Variants in MFSD2A observed in about 807,000 individuals in gnomAD.
The protein encoded by MFSD2A is MFSD2 lysolipid transporter A, lysophospholipid, also known as sodium-dependent lysophosphatidylcholine symporter 1.
In MFSD2A, 27 loss-of-function variants were observed where a neutral mutation model predicts 64.7. The observed-to-expected ratio is 0.42, with a 90% confidence interval of 0.31 to 0.58. The LOEUF is 0.58. Among genes scored for constraint, MFSD2A ranks in the 20% least tolerant of loss-of-function variants. The pLI is 0.18. For missense variants in MFSD2A, 474 were observed against 679.5 expected, an observed-to-expected ratio of 0.70 and a Z score of 3.36; for synonymous variants, 258 against 273.4, an observed-to-expected ratio of 0.94 and a Z score of 0.55.
chr1:39,966,497 G>A lies in MFSD2A; in HGVS notation c.715-104G>A, dbSNP rs1013856213. 3.4e-6 allele frequency: 3 copies of A among 893,800 alleles called. No homozygotes were observed. The African/African-American group carries it at 5.0e-5, about 15-fold the overall frequency. 55.4% of individuals were successfully genotyped at this position (893,800 alleles called of 1,614,324 possible). ...CACATGGAGACAGTACGCTCCCAGAGGGGAGGGGACTGGCCCAAGATCATT... is the reference window on the plus strand; with the variant it reads ...CACATGGAGACAGTACGCTCCCAGAAGGGAGGGGACTGGCCCAAGATCATT... On this transcript the variant is annotated intron_variant, in intron 6 of 13. Transcript: ENST00000372811.
rs777025432 is a variant in MFSD2A, at chr1:39,966,842, C to T, written c.837C>T (p.Ile279=). The T allele has an allele frequency of 8.1e-6, 13 of 1,613,962 alleles. No homozygotes were observed. The highest frequency in any genetic ancestry group is 5.0e-5 in the Admixed American group (3 of 59,984). ...EPYEAQQSEP[I]AYFRGLRLVM... ...ATGAAGCCCAGCAGTCTGAGCCAAT[C>T]GCCTACTTCCGGGGCCTACGGCTGG... is the stretch of plus-strand genomic sequence containing the variant. Residue 279 remains isoleucine, a synonymous_variant, in exon 8 of 14, where the codon ATC becomes ATT. Transcript: ENST00000372811.
chr1:39,965,636 T>G lies in MFSD2A; in HGVS notation c.556+87T>G. The G allele has an allele frequency of 7.1e-7, 1 of 1,412,622 alleles. No individual in the cohort carries two copies. The highest frequency in any genetic ancestry group is 1.7e-5 in the Admixed American group (1 of 58,002). 87.5% of individuals were successfully genotyped at this position (1,412,622 alleles called of 1,614,324 possible). ...TTGCGGGTCCAGCTCTTTGCTCTGC[T>G]CTAGAGTGTGGGTGTGAAACCATCT... is the stretch of plus-strand genomic sequence containing the variant. On this transcript the variant is annotated intron_variant, in intron 5 of 13. Transcript: ENST00000372811. This position sits in a 1 kb window ranked among gnomAD's most constrained non-coding sequence, Gnocchi z 5.5.
rs1369675551 is a variant in MFSD2A, at chr1:39,966,830, G to A, written c.825G>A (p.Gln275=). The change falls in exon 8 of 14, where the codon CAG becomes CAA. Residue 275 remains glutamine, a synonymous_variant. Coordinates refer to ENST00000372811, the MANE Select transcript of MFSD2A (RefSeq NM_032793.5). The part of the protein sequence containing the change: ...REQREPYEAQ[Q]SEPIAYFRGL... ...CCCCAGAACCCTATGAAGCCCAGCAGTCTGAGCCAATCGCCTACTTCCGGG... is the reference window on the plus strand; with the variant it reads ...CCCCAGAACCCTATGAAGCCCAGCAATCTGAGCCAATCGCCTACTTCCGGG... 5 of 1,614,118 alleles carry A rather than the reference G, an allele frequency of 3.1e-6. No homozygotes were observed. In the Admixed American group the frequency reaches 8.3e-5, roughly 27 times the overall value.
chr1:39,965,190 TCA>T lies in MFSD2A; in HGVS notation c.354-17_354-16del. 6.2e-7 allele frequency: 1 copy of T among 1,612,102 alleles called. No individual in the cohort carries two copies. The highest frequency in any genetic ancestry group is 8.5e-7 in the Non-Finnish European group (1 of 1,179,782). On this transcript the variant is annotated intron_variant, in intron 3 of 13. Coordinates refer to ENST00000372811, the MANE Select transcript of MFSD2A (RefSeq NM_032793.5). This position sits in a 1 kb window ranked among gnomAD's most constrained non-coding sequence, Gnocchi z 5.5. ...CTGGGCTCCAGCCTCCAGCCTCCACTCACACCCTCCTCTTCCTCAGGATCATC... is the reference window on the plus strand; with the variant it reads ...CTGGGCTCCAGCCTCCAGCCTCCACTCACCCTCCTCTTCCTCAGGATCATC...
Position 39,958,710 on chromosome 1 carries a change from T to G in MFSD2A, c.238T>G (p.Phe80Val). 1 of 1,614,120 alleles carries G rather than the reference T, an allele frequency of 6.2e-7. No individual in the cohort carries two copies. Reference sequence around the variant, plus strand: ...CTTCTCCTCATTCCAGGTGGGCCCTTTCTCTGCCTCCATCATCCTGTTTGT... The same window carrying G: ...CTTCTCCTCATTCCAGGTGGGCCCTGTCTCTGCCTCCATCATCCTGTTTGT... ...YLLDVAQVGPFSASIILFVGR... is the reference protein window; with the variant it reads ...YLLDVAQVGPVSASIILFVGR... Residue 80 changes from phenylalanine (F) to valine (V), a missense_variant, in exon 3 of 14, where the codon TTC (phenylalanine) becomes GTC (valine). By Grantham distance (50) the Phe-to-Val change is conservative. Transcript: ENST00000372811. The surrounding 1 kb of genome is among the most constrained non-coding windows in gnomAD (Gnocchi z 4.7).
intron 1 of MFSD2A, among the ~76,000 whole-genome samples, 153 bp from the exon 2 acceptor site, chr1:39,956,915 CAAAAAAAAAAAAAAAAAAA>C (rs34385828): frequency 2.8e-5 from 1 of 35,348 alleles, no homozygotes; most frequent in Non-Finnish European, 5.4e-5. Flanking sequence ...GACTCTGTCT[CAAAAAAAAAAAAAAAAAAA>C]AAAAAAAAAA....
At chr1:39,966,984 G>A in intron 8 of MFSD2A, 52 bp downstream of exon 8, 1 of 1,612,690 alleles carries the variant, frequency 6.2e-7, no homozygotes, top group Non-Finnish European at 8.5e-7. Context: ...ATGGGAGCGG[G>A]GTGAGCAGAG....
chr1:39,964,670 GGT>G lies in MFSD2A; in HGVS notation c.354-535_354-534del, dbSNP rs1230539173. On this transcript the variant is annotated intron_variant, in intron 3 of 13. Coordinates refer to ENST00000372811, the MANE Select transcript of MFSD2A (RefSeq NM_032793.5). This position sits in a 1 kb window ranked among gnomAD's most constrained non-coding sequence, Gnocchi z 4.1. ...TGGGTGTGTGTGTGTGTGTGAATGGGGTGTGTGAAGTGTGTATGTGAATGGGG... is the reference window on the plus strand; with the variant it reads ...TGGGTGTGTGTGTGTGTGTGAATGGGGTGTGAAGTGTGTATGTGAATGGGG... The G allele has an allele frequency of 1.3e-5, 2 of 154,454 alleles. No individual in the cohort carries two copies. Among genetic ancestry groups the G allele is most frequent in the African/African-American group, 4.9e-5 (2 of 41,224 alleles). The allele number at this position is 154,454 out of a possible 1,614,324, so 9.6% of individuals were successfully genotyped here.
chr1:39,967,445 C>G, intron 9 of MFSD2A, 183 bp from the exon 10 acceptor site: 3 of 645,896 alleles, frequency 4.6e-6, no homozygotes, highest in Non-Finnish European at 8.2e-6. Flanking sequence ...CAAGGTGGGC[C>G]TGGACCAGCT....
Position 39,964,433 on chromosome 1 carries a change from A to C in MFSD2A, c.354-778A>C, listed in dbSNP as rs1193985994. On this transcript the variant is annotated intron_variant, in intron 3 of 13. Transcript: ENST00000372811. The surrounding 1 kb of genome is among the most constrained non-coding windows in gnomAD (Gnocchi z 4.1). ...TAGTTAGTTGGTGGAGCTAGAATGGAATCCCTGAAGAGTGGCTCAAAGGCC... is the reference window on the plus strand; with the variant it reads ...TAGTTAGTTGGTGGAGCTAGAATGGCATCCCTGAAGAGTGGCTCAAAGGCC... 1 of 152,248 alleles carries C rather than the reference A, an allele frequency of 6.6e-6. No individual in the cohort carries two copies. The highest frequency in any genetic ancestry group is 6.5e-5 in the Admixed American group (1 of 15,288). The allele number at this position is 152,248 out of a possible 1,614,324, so 9.4% of individuals were successfully genotyped here. A position where few individuals can be genotyped will look rare whatever the true frequency, so the allele number is the denominator to read the frequency against.
chr1:39,968,729 G>T lies in MFSD2A; in HGVS notation c.1513G>T (p.Ala505Ser), dbSNP rs747456224. ...DEERRRQNKK[A>S]LQALRDEASS... ...GGAGAGGCGGCGGCAGAATAAGAAG[G>T]CCCTGCAGGCACTGAGGTGAGTGGG... The change falls in exon 13 of 14, where the codon GCC (alanine) becomes TCC (serine). Residue 505 changes from alanine to serine, a missense_variant. Coordinates refer to ENST00000372811, the MANE Select transcript of MFSD2A (RefSeq NM_032793.5). The surrounding 1 kb of genome is among the most constrained non-coding windows in gnomAD (Gnocchi z 4.4). The T allele has an allele frequency of 1.9e-6, 3 of 1,614,058 alleles. No individual in the cohort carries two copies. Among genetic ancestry groups the T allele is most frequent in the Non-Finnish European group, 2.5e-6 (3 of 1,179,988 alleles).
Position 39,967,672 on chromosome 1 carries a change from C to T in MFSD2A, c.1056C>T (p.Thr352=). The T allele has an allele frequency of 1.2e-6, 2 of 1,614,124 alleles. No individual in the cohort carries two copies. The highest frequency in any genetic ancestry group is 1.1e-5 in the South Asian group (1 of 91,078). Residue 352 remains threonine, a synonymous_variant, in exon 10 of 14, where the codon ACC becomes ACT. Coordinates refer to ENST00000372811, the MANE Select transcript of MFSD2A (RefSeq NM_032793.5). ...TTCCCATCTGGCAGTGGTTCTTGAC[C>T]CGGTTTGGCAAGAAGACAGCTGTAT... ...LTIPIWQWFL[T]RFGKKTAVYV...
rs1645007313 is a variant in MFSD2A, at chr1:39,960,239, G to C, written c.353+1414G>C. On this transcript the variant is annotated intron_variant, in intron 3 of 13. Transcript: ENST00000372811. The surrounding 1 kb of genome is among the most constrained non-coding windows in gnomAD (Gnocchi z 4.8). ...ACATCCTGCTTCAGGGTGTGGGGGG[G>C]CATACCCCTTTCATCTCCAGCCCAT... Among the ~76,000 whole-genome samples the C allele has an allele frequency of 6.6e-6, 1 of 152,194 alleles. No homozygotes were observed. The highest frequency in any genetic ancestry group is 6.5e-5 in the Admixed American group (1 of 15,288).
chr1:39,963,035 C>G lies in MFSD2A; in HGVS notation c.354-2176C>G. Reference sequence around the variant, plus strand: ...TCATCCTGGCCAAGCTCTCCATTGTCCCCGTGCGCAGAGGCTACTGGGGGA... The same window carrying G: ...TCATCCTGGCCAAGCTCTCCATTGTGCCCGTGCGCAGAGGCTACTGGGGGA... On this transcript the variant is annotated intron_variant, in intron 3 of 13. Coordinates refer to ENST00000372811, the MANE Select transcript of MFSD2A (RefSeq NM_032793.5). The surrounding 1 kb of genome is among the most constrained non-coding windows in gnomAD (Gnocchi z 4.2). The G allele has an allele frequency of 6.9e-7, 1 of 1,457,410 alleles. No homozygotes were observed. The highest frequency in any genetic ancestry group is 9.4e-7 in the Non-Finnish European group (1 of 1,063,876). 90.3% of individuals were successfully genotyped at this position (1,457,410 alleles called of 1,614,324 possible).
chr1:39,962,677 C>T (rs971035247), intron 3 of MFSD2A: 35 of 777,916 alleles, frequency 4.5e-5, no homozygotes, highest in Middle Eastern at 3.5e-4. Context: ...GGACGGGGCC[C>T]GGGCCGAAGC....
Position 39,955,313 on chromosome 1 carries a change from C to A in MFSD2A, c.21C>A (p.Ala7=). 1.4e-6 allele frequency: 2 copies of A among 1,444,940 alleles called. No homozygotes were observed. The highest frequency in any genetic ancestry group is 3.1e-5 in the South Asian group (2 of 64,960). The allele number at this position is 1,444,940 out of a possible 1,614,324, so 89.5% of individuals were successfully genotyped here. A position where few individuals can be genotyped will look rare whatever the true frequency, so the allele number is the denominator to read the frequency against. The change falls in exon 1 of 14, where the codon GCC becomes GCA. Residue 7 remains alanine (A), a synonymous_variant. Transcript: ENST00000372811. The surrounding 1 kb of genome is among the most constrained non-coding windows in gnomAD (Gnocchi z 5.9). Reference sequence around the variant, plus strand: ...GGGTCATGGCCAAAGGAGAAGGCGCCGAGAGCGGCTCCGCGGCGGGGCTGC... The same window carrying A: ...GGGTCATGGCCAAAGGAGAAGGCGCAGAGAGCGGCTCCGCGGCGGGGCTGC... The part of the protein sequence containing the change: MAKGEG[A]ESGSAAGLLP...
Position 39,968,701 on chromosome 1 carries a change from T to C in MFSD2A, c.1485T>C (p.Asp495=), listed in dbSNP as rs1645216988. 1 of 1,613,884 alleles carries C rather than the reference T, an allele frequency of 6.2e-7. No homozygotes were observed. Among genetic ancestry groups the C allele is most frequent in the Admixed American group, 1.7e-5 (1 of 59,986 alleles). ...TGCTCTTCAAAATGTACCCCATTGA[T>C]GAGGAGAGGCGGCGGCAGAATAAGA... The part of the protein sequence containing the change: ...GLLLFKMYPI[D]EERRRQNKKA... Residue 495 remains aspartate, a synonymous_variant, in exon 13 of 14, where the codon GAT becomes GAC. Coordinates refer to ENST00000372811, the MANE Select transcript of MFSD2A (RefSeq NM_032793.5). This position sits in a 1 kb window ranked among gnomAD's most constrained non-coding sequence, Gnocchi z 4.4.
intron 1 of MFSD2A, among the ~76,000 whole-genome samples, chr1:39,956,191 G>T (rs1018283749): frequency 6.6e-6 from 1 of 152,178 alleles, no homozygotes; most frequent in Non-Finnish European, 1.5e-5. Flanking sequence ...CTTTCCTCCC[G>T]TCTCCAAGGT....
chr1:39,966,845 C>T lies in MFSD2A; in HGVS notation c.840C>T (p.Ala280=), dbSNP rs1645173618. ...AAGCCCAGCAGTCTGAGCCAATCGC[C>T]TACTTCCGGGGCCTACGGCTGGTCA... ...PYEAQQSEPI[A]YFRGLRLVMS... is the part of the protein sequence containing the mutation. The change falls in exon 8 of 14, where the codon GCC becomes GCT. Residue 280 remains alanine (A), a synonymous_variant. Transcript: ENST00000372811. 3 of 1,614,110 alleles carry T rather than the reference C, an allele frequency of 1.9e-6. No homozygotes were observed. Among genetic ancestry groups the T allele is most frequent in the Non-Finnish European group, 2.5e-6 (3 of 1,180,042 alleles).
Sources: allele counts gnomAD v4.1 joint callset (sites outside exome capture counted in the v4.1 genomes callset), GRCh38; gene constraint gnomAD v4.1.1; non-coding constraint Gnocchi (gnomAD v3.1); transcripts MANE v1.5; gene names NCBI Gene and HGNC (gene_info 2026-07-23, HGNC 2026-07-21).